TMEM132D: variants seen among roughly 807,000 people sequenced by gnomAD.
TMEM132D encodes mature OL transmembrane protein.
Under a neutral mutation model 62.3 loss-of-function variants are expected in TMEM132D, and 21 were observed. The observed-to-expected ratio is 0.34, with a 90% CI of 0.24 to 0.49. The LOEUF (loss-of-function observed/expected upper bound fraction) is 0.49. TMEM132D is among the 20% of genes least tolerant of loss of function. The pLI is 0.99. For missense variants in TMEM132D, 1,346 were observed against 1,402.8 expected (o/e 0.96, Z 0.65); for synonymous variants, 621 against 575.6 (o/e 1.08, Z -1.13).
intron 1 of TMEM132D, among the ~76,000 whole-genome samples, chr12:129,859,351 A>T (rs950717963): frequency 6.6e-6 from 1 of 152,220 alleles, no homozygotes; most frequent in Admixed American, 6.5e-5. Context: ...CAAAAACCGC[A>T]ATTACTTTTG....
At chr12:129,111,113 G>T (rs1201956639) in intron 5 of TMEM132D, 2 of 152,280 alleles carry the variant, frequency 1.3e-5, no homozygotes, top group Non-Finnish European at 2.9e-5. Context: ...AGGAATCTGT[G>T]CATAGAATGC....
chr12:129,192,739 A>C (rs1483851908), intron 5 of TMEM132D, among the ~76,000 whole-genome samples: 1 of 152,156 alleles, frequency 6.6e-6, no homozygotes, highest in Non-Finnish European at 1.5e-5. Context: ...TTTGAATTAC[A>C]GCGGGTGTGT....
intron 1 of TMEM132D, among the ~76,000 whole-genome samples, chr12:129,806,822 T>C (rs1443616707): frequency 6.6e-6 from 1 of 152,104 alleles, no homozygotes; most frequent in East Asian, 1.9e-4. Context: ...GCCCAGGCGT[T>C]TGAGACCAGC....
chr12:129,176,980 T>C (rs1877924723), intron 5 of TMEM132D, among the ~76,000 whole-genome samples: 1 of 152,226 alleles, frequency 6.6e-6, no homozygotes, highest in Admixed American at 6.5e-5. Context: ...CCCCCAGCCG[T>C]CTTGACCGCG....
chr12:129,351,384 C>A (rs796186878), intron 3 of TMEM132D, among the ~76,000 whole-genome samples: 17 of 152,306 alleles, frequency 1.1e-4, no homozygotes, highest in African/African-American at 3.8e-4. Flanking sequence ...AAAGCCTTAG[C>A]CAAGCACACT....
chr12:129,484,283 T>C (rs938761309), intron 3 of TMEM132D, among the ~76,000 whole-genome samples: 2 of 152,182 alleles, frequency 1.3e-5, no homozygotes, highest in Non-Finnish European at 2.9e-5. Context: ...TGACAGTTAC[T>C]TATTTCTAAA....
At chr12:129,568,847 A>ATGT (rs1361957434) in intron 2 of TMEM132D, among the ~76,000 whole-genome samples, 8 of 152,218 alleles carry the variant, frequency 5.3e-5, no homozygotes, top group Non-Finnish European at 1.2e-4. Context: ...CTGGAATCAC[A>ATGT]GGTCAGGAAG....
Position 129,078,662 on chromosome 12 carries a change from C to A in TMEM132D, c.1987G>T (p.Val663Leu). 1.2e-6 allele frequency: 2 copies of A among 1,614,216 alleles called. No individual in the cohort carries two copies. Among genetic ancestry groups the A allele is most frequent in the Non-Finnish European group, 1.7e-6 (2 of 1,180,042 alleles). The part of the protein sequence containing the change: ...EKTITVLDEK[V>L]TITDLGVQLV... ...TGCACCCCGAGGTCTGTGATGGTCACCTTCTCGTCCAGCACAGTGATGGTC... is the reference window on the plus strand; with the variant it reads ...TGCACCCCGAGGTCTGTGATGGTCAACTTCTCGTCCAGCACAGTGATGGTC... Residue 663 changes from valine to leucine, a missense_variant, in exon 8 of 9, where the codon GTG (valine) becomes TTG (leucine). Physicochemically the swap from Val to Leu is conservative, Grantham distance 32 (BLOSUM62 1). Transcript: ENST00000422113.
intron 4 of TMEM132D, among the ~76,000 whole-genome samples, chr12:129,307,340 T>C (rs1244234682): frequency 6.6e-6 from 1 of 152,196 alleles, no homozygotes; most frequent in African/African-American, 2.4e-5. Flanking sequence ...CCTGTCATTA[T>C]TATTGTTACT....
At chr12:129,566,143 T>A (rs1877360748) in intron 2 of TMEM132D, among the ~76,000 whole-genome samples, 1 of 152,220 alleles carries the variant, frequency 6.6e-6, no homozygotes, top group Admixed American at 6.5e-5. Flanking sequence ...TATGGTTATT[T>A]TGATTAAGTA....
In TMEM132D at chr12:129,760,300, A is replaced by G. The variant is rs533276665; in HGVS notation, c.80-59602T>C. On this transcript the variant is annotated intron_variant, in intron 1 of 8. Coordinates refer to ENST00000422113, the MANE Select transcript of TMEM132D (RefSeq NM_133448.3). ...TATGACTTAAGTCTTAGTGCAACAG[A>G]CAGAAATGATGTAAGCCACTTTCTT... 1.7e-4 allele frequency among the ~76,000 whole-genome samples: 26 copies of G among 149,406 alleles called. No homozygotes were observed. The East Asian group carries it at 5.0e-3, about 29-fold the overall frequency.
intron 1 of TMEM132D, among the ~76,000 whole-genome samples, chr12:129,833,839 T>C (rs1276860657): frequency 1.3e-5 from 2 of 152,098 alleles, no homozygotes; most frequent in Non-Finnish European, 2.9e-5. Flanking sequence ...CTCAAGCAAA[T>C]AGCATAACTA....
intron 5 of TMEM132D, among the ~76,000 whole-genome samples, chr12:129,101,808 A>T (rs925494039): frequency 2.0e-5 from 3 of 152,098 alleles, no homozygotes; most frequent in Admixed American, 2.0e-4. Flanking sequence ...AGAAAATAGG[A>T]GGAAAAACAC....
intron 1 of TMEM132D, among the ~76,000 whole-genome samples, chr12:129,722,041 T>C (rs1181675390): frequency 6.6e-6 from 1 of 152,264 alleles, no homozygotes; most frequent in African/African-American, 2.4e-5. Flanking sequence ...GCCTCACTGC[T>C]GTGGCCAGCT....
At chr12:129,696,814 C>A (rs1252181527) in intron 2 of TMEM132D, among the ~76,000 whole-genome samples, 1 of 152,166 alleles carries the variant, frequency 6.6e-6, no homozygotes, top group Non-Finnish European at 1.5e-5. Flanking sequence ...TGAAGGAAAA[C>A]ATTTTCTGGG....
At chr12:129,394,841 G>T (rs10847857) in intron 3 of TMEM132D, among the ~76,000 whole-genome samples, 77,054 of 152,046 alleles carry the variant, frequency 0.51, 20,382 homozygotes, top group East Asian at 0.87. Context: ...GGTGACAGAT[G>T]GGCTGCAAAA....
chr12:129,573,203 A>T (rs114284177), intron 2 of TMEM132D, among the ~76,000 whole-genome samples: 1 of 152,098 alleles, frequency 6.6e-6, no homozygotes, highest in Non-Finnish European at 1.5e-5. Flanking sequence ...CTGTGGACTC[A>T]CTACTGTGAG....
At chr12:129,259,241 G>A (rs1593314352) in intron 4 of TMEM132D, among the ~76,000 whole-genome samples, 1 of 152,198 alleles carries the variant, frequency 6.6e-6, no homozygotes, top group East Asian at 1.9e-4. Context: ...TCTAGGCTGA[G>A]CATCAGCAGT....
chr12:129,722,237 G>A (rs1868860210), intron 1 of TMEM132D, among the ~76,000 whole-genome samples: 1 of 152,194 alleles, frequency 6.6e-6, no homozygotes, highest in African/African-American at 2.4e-5. Context: ...GCAGGCTGCT[G>A]CAGACACACA....
Sources: allele counts gnomAD v4.1 joint callset (sites outside exome capture counted in the v4.1 genomes callset), GRCh38; gene constraint gnomAD v4.1.1; transcripts MANE v1.5; gene names NCBI Gene and HGNC (gene_info 2026-07-23, HGNC 2026-07-21).